Variants in KDM5B observed in about 807,000 individuals in gnomAD.
KDM5B encodes the protein lysine demethylase 5B, also known as lysine-specific demethylase 5B.
A neutral mutation model predicts 193.4 loss-of-function variants in KDM5B; 144 were observed. The observed-to-expected ratio is 0.74, with a 90% CI of 0.65 to 0.86. The LOEUF (loss-of-function observed/expected upper bound fraction) is 0.86, where lower values mean the gene tolerates loss of function less well. Among genes scored for constraint, KDM5B ranks in the 40% least tolerant of loss-of-function variants. The probability of loss-of-function intolerance (pLI) is 0.00; values close to 1 mark genes in which losing one functional copy is unlikely to be tolerated. For missense variants in KDM5B, 1,833 were observed against 1,886.9 expected (o/e 0.97, Z 0.53); for synonymous variants, 668 against 682.6 (o/e 0.98, Z 0.33).
At chr1:202,744,069 T>C (rs750715080) in intron 16 of KDM5B, among the ~76,000 whole-genome samples, 2 of 152,040 alleles carry the variant, frequency 1.3e-5, no homozygotes, top group Non-Finnish European at 2.9e-5. Context: ...TGGGAGAAAA[T>C]ACTTGCAAAC....
intron 9 of KDM5B, among the ~76,000 whole-genome samples, chr1:202,756,854 A>G (rs897157132): frequency 6.6e-6 from 1 of 152,248 alleles, no homozygotes; most frequent in Non-Finnish European, 1.5e-5. Flanking sequence ...ACAACAGCAC[A>G]GTAATAAGGT....
At position 202,727,531 on chromosome 1, in the gene KDM5B, AGG is replaced by A. The variant is rs760325767; in HGVS notation, c.*1503_*1504del. On this transcript the variant is annotated 3_prime_UTR_variant, in exon 27 of 27. Coordinates refer to ENST00000367265, the MANE Select transcript of KDM5B (RefSeq NM_006618.5). The stretch of plus-strand genomic sequence containing the variant: ...AGACCCACCAGTTTTACTCATCTTC[AGG>A]TTTATGGCTATAGAATGTGGGGAAA... The A allele has an allele frequency of 3.3e-5, 5 of 152,670 alleles. No individual in the cohort carries two copies. Among genetic ancestry groups the A allele is most frequent in the Admixed American group, 6.5e-5 (1 of 15,288 alleles). 9.5% of individuals were successfully genotyped at this position (152,670 alleles called of 1,614,324 possible). A position where few individuals can be genotyped will look rare whatever the true frequency, so the allele number is the denominator to read the frequency against.
intron 16 of KDM5B, 122 bp downstream of exon 16, chr1:202,745,736 G>A: frequency 2.7e-6 from 3 of 1,105,814 alleles, no homozygotes; most frequent in Non-Finnish European, 4.1e-6. Context: ...ACCGGGCTAT[G>A]TAGAGGGGCT....
chr1:202,740,997 C>T (rs1025228957), intron 19 of KDM5B, among the ~76,000 whole-genome samples, 185 bp from the exon 20 acceptor site: 1 of 152,142 alleles, frequency 6.6e-6, no homozygotes, highest in Non-Finnish European at 1.5e-5. Context: ...TATTAACTCT[C>T]ACACATTTCT....
chr1:202,754,742 G>A (rs1655941231), intron 11 of KDM5B, among the ~76,000 whole-genome samples: 1 of 152,190 alleles, frequency 6.6e-6, no homozygotes, highest in South Asian at 2.1e-4. Context: ...GAGTGCAATG[G>A]TGCGGTCTCT....
chr1:202,763,105 C>G (rs923798292), intron 6 of KDM5B, among the ~76,000 whole-genome samples: 17 of 152,082 alleles, frequency 1.1e-4, no homozygotes, highest in African/African-American at 4.1e-4. Context: ...TAACATATAC[C>G]GATGAAATCA....
chr1:202,803,615 G>A (rs1270580624), intron 1 of KDM5B, among the ~76,000 whole-genome samples: 2 of 152,036 alleles, frequency 1.3e-5, no homozygotes, highest in African/African-American at 4.8e-5. Context: ...CCTGAGGTCA[G>A]GAGTTCAAGA....
rs552515220 is a variant in KDM5B at position 202,777,367 on chromosome 1, A to AC, written c.205-274_205-273insG. 2.0e-5 allele frequency among the ~76,000 whole-genome samples: 3 copies of AC among 152,170 alleles called. No individual in the cohort carries two copies. In the South Asian group the frequency reaches 6.2e-4, roughly 32 times the overall value. ...TTGAGCCTGTAAAAAAAAAAAAAAA[A>AC]AAAACACTCATTTAGGCAAAAGACA... On this transcript the variant is annotated intron_variant, in intron 1 of 26. Transcript: ENST00000367265.
At chr1:202,772,720 CAG>C (rs1427010062) in intron 4 of KDM5B, among the ~76,000 whole-genome samples, 2 of 150,772 alleles carry the variant, frequency 1.3e-5, no homozygotes, top group African/African-American at 4.9e-5. Flanking sequence ...GACGGAGTCT[CAG>C]AGTCTCGCTC....
At chr1:202,752,766 A>G in intron 12 of KDM5B, 139 bp downstream of exon 12, 1 of 765,626 alleles carries the variant, frequency 1.3e-6, no homozygotes, top group Non-Finnish European at 2.1e-6. Context: ...ACAGTACTGC[A>G]GCAAAACAGC....
chr1:202,802,882 T>C (rs1343693019), intron 1 of KDM5B, among the ~76,000 whole-genome samples: 4 of 152,242 alleles, frequency 2.6e-5, no homozygotes, highest in South Asian at 2.1e-4. Flanking sequence ...GGTTTAATAA[T>C]TTTCTCTTAA....
Position 202,788,428 on chromosome 1 carries a change from C to T in KDM5B, c.205-11334G>A, listed in dbSNP as rs149700230. ...TTGGGAATGCAAAGCACTGTTTCTA[C>T]GGAATATTAGTAAATAAAAATATAG... is the stretch of plus-strand genomic sequence containing the variant. On this transcript the variant is annotated intron_variant, in intron 1 of 26. Transcript: ENST00000367265. Among the ~76,000 whole-genome samples the T allele has an allele frequency of 8.1e-4, 124 of 152,212 alleles. 1 individual carries two copies. Among genetic ancestry groups the T allele is most frequent in the African/African-American group, 2.7e-3 (112 of 41,508 alleles).
At chr1:202,763,364 G>T (rs1572739257) in intron 6 of KDM5B, among the ~76,000 whole-genome samples, 1 of 152,116 alleles carries the variant, frequency 6.6e-6, no homozygotes, top group East Asian at 1.9e-4. Flanking sequence ...CATTTCAAAG[G>T]TAAGAAAACT....
chr1:202,740,613 G>C (rs1655296139), intron 20 of KDM5B, 61 bp downstream of exon 20: 2 of 1,497,036 alleles, frequency 1.3e-6, no homozygotes, highest in Admixed American at 3.7e-5. Context: ...CCCGGACGGG[G>C]CGCCAATATT....
At chr1:202,767,440 C>T (rs113424589) in intron 4 of KDM5B, 30 of 1,313,522 alleles carry the variant, frequency 2.3e-5, no homozygotes, top group African/African-American at 1.0e-4. Context: ...GGAAGCTCTG[C>T]GAAAGGTGCA....
intron 5 of KDM5B, chr1:202,766,609 TA>T: frequency 2.2e-6 from 1 of 447,258 alleles, no homozygotes; most frequent in Middle Eastern, 3.2e-4. Context: ...TAATCTCCAT[TA>T]AACAACGCCA....
At chr1:202,733,286 T>C in intron 23 of KDM5B, 115 bp downstream of exon 23, 1 of 1,164,618 alleles carries the variant, frequency 8.6e-7, no homozygotes, top group Non-Finnish European at 1.2e-6. Flanking sequence ...AAGTGGGTGC[T>C]GTTAACAGTA....
rs1264779837 is a variant in KDM5B at position 202,760,534 on chromosome 1, C to A, written c.958G>T (p.Asp320Tyr). 1 of 1,613,002 alleles carries A rather than the reference C, an allele frequency of 6.2e-7. No individual in the cohort carries two copies. The highest frequency in any genetic ancestry group is 1.3e-5 in the African/African-American group (1 of 74,830). Residue 320 changes from aspartate (D) to tyrosine (Y), a missense_variant, in exon 8 of 27, where the codon GAT becomes TAT. Physicochemically the swap from Asp to Tyr is radical, Grantham distance 160. Transcript: ENST00000367265. ...YVCLLCGSGN[D>Y]EDRLLLCDGC... ...TCACACAACAGTAGCCGGTCTTCAT[C>A]ATTGCCACTGCCACATAAAAGACAG...
chr1:202,773,164 C>T lies in KDM5B; in HGVS notation c.530G>A (p.Arg177Gln), dbSNP rs750789070. ...GAATAAGTTGTAGGGGTTGAGAATT[C>T]GTTCATAATGCCCTCTGATATGTGA... ...VGSHIRGHYE[R>Q]ILNPYNLFLS... Residue 177 changes from arginine to glutamine, a missense_variant, in exon 4 of 27, where the codon CGA (arginine) becomes CAA (glutamine). This residue lies in a region of KDM5B where 355 missense variants were observed against 374.9 expected (regional missense o/e 0.95). Coordinates refer to ENST00000367265, the MANE Select transcript of KDM5B (RefSeq NM_006618.5). 2.5e-6 allele frequency: 4 copies of T among 1,613,524 alleles called. No homozygotes were observed. Among genetic ancestry groups the T allele is most frequent in the Admixed American group, 1.7e-5 (1 of 59,994 alleles).
Sources: allele counts gnomAD v4.1 joint callset (sites outside exome capture counted in the v4.1 genomes callset), GRCh38; gene constraint gnomAD v4.1.1; regional missense constraint gnomAD v4.1.1; transcripts MANE v1.5; gene names NCBI Gene and HGNC (gene_info 2026-07-23, HGNC 2026-07-21).